Variants in KLRD1 observed in about 807,000 individuals in gnomAD.
KLRD1 encodes natural killer cells antigen CD94.
In KLRD1, 21 loss-of-function variants were observed where a neutral mutation model predicts 22.6. That is an observed-to-expected ratio of 0.93 (90% CI 0.66 to 1.34). The LOEUF is 1.34. Among genes scored for constraint, KLRD1 ranks in the 40% most tolerant of loss-of-function variants. The pLI, the probability that KLRD1 is intolerant of heterozygous loss-of-function variation, is 0.00. For missense variants in KLRD1, 183 were observed against 208.6 expected (o/e 0.88, Z 0.76); for synonymous variants, 59 against 71.1 (o/e 0.83, Z 0.85).
intron 1 of KLRD1, among the ~76,000 whole-genome samples, chr12:10,297,857 C>G (rs942243130): frequency 1.3e-5 from 2 of 152,150 alleles, no homozygotes; most frequent in Non-Finnish European, 2.9e-5. Context: ...TAGACTTTCC[C>G]AGATGAAATA....
chr12:10,255,554 G>T (rs1295748393), intron 1 of KLRD1, among the ~76,000 whole-genome samples: 1 of 152,110 alleles, frequency 6.6e-6, no homozygotes, highest in East Asian at 1.9e-4. Flanking sequence ...TTAGCTTTAA[G>T]ATATTTTCTA....
At chr12:10,280,018 G>T (rs1166225651) in intron 1 of KLRD1, among the ~76,000 whole-genome samples, 1 of 152,182 alleles carries the variant, frequency 6.6e-6, no homozygotes, top group African/African-American at 2.4e-5. Context: ...TCTTGCAGTA[G>T]AATTTTATTA....
rs529012321 is a variant in KLRD1, at chr12:10,273,573, A to G, written c.-100-34405A>G. Among the ~76,000 whole-genome samples, 13 of 152,330 alleles carry G rather than the reference A, an allele frequency of 8.5e-5. No individual in the cohort carries two copies. The South Asian group carries it at 2.5e-3, about 29-fold the overall frequency. ...TACACACCACAGTAACCACAGGTCA[A>G]CTGCCCTCTCCTTTGATGGATAGAA... On this transcript the variant is annotated intron_variant, in intron 1 of 5. Coordinates refer to the KLRD1 transcript ENST00000544747.
Position 10,319,769 on chromosome 12 carries a change from G to T in KLRD1, c.*4976G>T, listed in dbSNP as rs1450874607. ...ACAGCCCCCAGCCAACACCTTGACG[G>T]CAACCTCATGAGAGACCCTGAGCTA... On this transcript the variant is annotated 3_prime_UTR_variant, in exon 6 of 6. Transcript: ENST00000336164. 2 of 152,012 alleles carry T rather than the reference G, an allele frequency of 1.3e-5. No homozygotes were observed. Among genetic ancestry groups the T allele is most frequent in the African/African-American group, 4.8e-5 (2 of 41,356 alleles). The allele number at this position is 152,012 out of a possible 1,614,324, so 9.4% of individuals were successfully genotyped here.
At chr12:10,307,469 C>T (rs985130556), upstream of KLRD1, among the ~76,000 whole-genome samples, 1 of 152,020 alleles carries the variant, frequency 6.6e-6, no homozygotes, top group African/African-American at 2.4e-5. Flanking sequence ...CTCTGTATGC[C>T]TCAGTTTTCT....
chr12:10,299,178 C>T (rs1242557936), intron 1 of KLRD1, among the ~76,000 whole-genome samples: 1 of 150,624 alleles, frequency 6.6e-6, no homozygotes, highest in Non-Finnish European at 1.5e-5. Context: ...GGGTTCCATT[C>T]TGCGTTTTTT....
At chr12:10,268,790 G>A (rs1288683616) in intron 1 of KLRD1, among the ~76,000 whole-genome samples, 1 of 152,084 alleles carries the variant, frequency 6.6e-6, no homozygotes, top group Non-Finnish European at 1.5e-5. Flanking sequence ...GATAATATTT[G>A]CTGAAGGCTC....
chr12:10,296,287 C>T (rs375458620), intron 1 of KLRD1, among the ~76,000 whole-genome samples: 6 of 152,038 alleles, frequency 3.9e-5, no homozygotes, highest in East Asian at 3.9e-4. Context: ...GAGGCCGAGG[C>T]GGGTGGATCA....
At chr12:10,258,246 C>T (rs1949418121) in intron 1 of KLRD1, among the ~76,000 whole-genome samples, 1 of 49,794 alleles carries the variant, frequency 2.0e-5, no homozygotes, top group African/African-American at 2.9e-5. Context: ...TTGTGCTTAG[C>T]TCAAGCTCTC....
At chr12:10,294,778 T>C (rs901448504) in intron 1 of KLRD1, among the ~76,000 whole-genome samples, 1 of 152,178 alleles carries the variant, frequency 6.6e-6, no homozygotes, top group Non-Finnish European at 1.5e-5. Context: ...GTGTATCTTA[T>C]CCACTGCCCA....
intron 1 of KLRD1, among the ~76,000 whole-genome samples, chr12:10,262,596 C>G (rs543083042): frequency 1.3e-5 from 2 of 152,114 alleles, no homozygotes; most frequent in South Asian, 4.2e-4. Context: ...GTGATAGATA[C>G]CAACATTCCC....
chr12:10,248,913 G>A (rs534221045), intron 1 of KLRD1, among the ~76,000 whole-genome samples: 7 of 151,830 alleles, frequency 4.6e-5, no homozygotes, highest in African/African-American at 1.2e-4. Flanking sequence ...TATACTTTCC[G>A]CTTGATGATT....
rs906003777 is a variant in KLRD1, at chr12:10,318,267, G to A, written c.*3474G>A. ...CTAACTAGCTAACAAATGGTTTATG[G>A]TGAGTTCTTTAAAGTTCAAAATCCC... On this transcript the variant is annotated 3_prime_UTR_variant, in exon 6 of 6. Coordinates refer to ENST00000336164, the MANE Select transcript of KLRD1 (RefSeq NM_002262.5). 1.3e-5 allele frequency: 2 copies of A among 152,142 alleles called. No homozygotes were observed. The highest frequency in any genetic ancestry group is 2.9e-5 in the Non-Finnish European group (2 of 68,020). The allele number at this position is 152,142 out of a possible 1,614,324, so 9.4% of individuals were successfully genotyped here.
intron 1 of KLRD1, among the ~76,000 whole-genome samples, chr12:10,287,609 C>T (rs553168721): frequency 1.3e-4 from 20 of 151,882 alleles, no homozygotes; most frequent in Non-Finnish European, 1.8e-4. Flanking sequence ...GATACTTTTA[C>T]GAATTAAATT....
At chr12:10,273,988 A>T (rs575682621) in intron 1 of KLRD1, among the ~76,000 whole-genome samples, 69 of 152,198 alleles carry the variant, frequency 4.5e-4, no homozygotes, top group Non-Finnish European at 7.8e-4. Flanking sequence ...GTTCTTAAAA[A>T]TTTTTAAATG....
chr12:10,320,954 A>C lies in KLRD1; in HGVS notation c.*6161A>C, dbSNP rs1325521262. ...GTTTTTACAAATAGAGTTCATAGAAAACCTCAAAACACTTTTGAGATGACT... is the reference window on the plus strand; with the variant it reads ...GTTTTTACAAATAGAGTTCATAGAACACCTCAAAACACTTTTGAGATGACT... On this transcript the variant is annotated 3_prime_UTR_variant, in exon 6 of 6. Transcript: ENST00000336164. The C allele has an allele frequency of 2.0e-5, 3 of 152,204 alleles. No homozygotes were observed. The highest frequency in any genetic ancestry group is 2.9e-5 in the Non-Finnish European group (2 of 68,032). The allele number at this position is 152,204 out of a possible 1,614,324, so 9.4% of individuals were successfully genotyped here.
intron 1 of KLRD1, among the ~76,000 whole-genome samples, chr12:10,290,005 C>T (rs1048352892): frequency 6.6e-5 from 10 of 152,168 alleles, no homozygotes; most frequent in African/African-American, 1.9e-4. Flanking sequence ...CTTGAACTCC[C>T]GACTCAGGTG....
At chr12:10,296,776 AC>A (rs1324447182) in intron 1 of KLRD1, among the ~76,000 whole-genome samples, 6 of 152,054 alleles carry the variant, frequency 3.9e-5, no homozygotes, top group Admixed American at 6.5e-5. Context: ...AGGGAAACTT[AC>A]CCCCCGGCCC....
intron 1 of KLRD1, among the ~76,000 whole-genome samples, chr12:10,258,869 T>G (rs929764391): frequency 4.6e-5 from 7 of 152,302 alleles, no homozygotes; most frequent in African/African-American, 7.2e-5. Flanking sequence ...TATTTATGCT[T>G]TCCCAAACTC....
Sources: allele counts gnomAD v4.1 joint callset (sites outside exome capture counted in the v4.1 genomes callset), GRCh38; gene constraint gnomAD v4.1.1; transcripts MANE v1.5; gene names NCBI Gene and HGNC (gene_info 2026-07-23, HGNC 2026-07-21).